Variants in ADTRP observed in about 807,000 individuals in gnomAD.
ADTRP encodes androgen-dependent TFPI-regulating protein.
ADTRP carries 20 observed loss-of-function variants against 27.0 expected under a neutral mutation model. The ratio of observed to expected loss-of-function variants is 0.74; its 90% confidence interval spans 0.52 to 1.08. The LOEUF (loss-of-function observed/expected upper bound fraction) is 1.08, where lower values mean the gene tolerates loss of function less well. ADTRP is among the 50% of genes least tolerant of loss of function. The pLI, the probability that ADTRP is intolerant of heterozygous loss-of-function variation, is 0.00. For missense variants in ADTRP, 251 were observed against 275.0 expected (o/e 0.91, Z 0.62); for synonymous variants, 101 against 105.2 (o/e 0.96, Z 0.25).
At chr6:11,750,888 A>G (rs528344312) in intron 3 of ADTRP, among the ~76,000 whole-genome samples, 323 of 152,264 alleles carry the variant, frequency 2.1e-3, no homozygotes, top group Non-Finnish European at 3.7e-3. Flanking sequence ...ACCTTGCTGA[A>G]TCGCCCAGGC....
At chr6:11,760,520 G>A (rs1335187863) in intron 3 of ADTRP, among the ~76,000 whole-genome samples, 3 of 152,092 alleles carry the variant, frequency 2.0e-5, no homozygotes, top group Non-Finnish European at 4.4e-5. Flanking sequence ...AAACACTGAA[G>A]GCTGGAGTAT....
At chr6:11,729,274 GTGTT>G (rs1434869808) in intron 4 of ADTRP, among the ~76,000 whole-genome samples, 1 of 152,110 alleles carries the variant, frequency 6.6e-6, no homozygotes, top group Admixed American at 6.5e-5. Context: ...CAAGGCTAGA[GTGTT>G]AGTCAAATAG....
intron 1 of ADTRP, among the ~76,000 whole-genome samples, chr6:11,776,908 T>C (rs1030009568): frequency 7.9e-5 from 12 of 152,100 alleles, no homozygotes; most frequent in African/African-American, 2.9e-4. Context: ...GGTCATGGTA[T>C]TAAAAAACAA....
intron 4 of ADTRP, among the ~76,000 whole-genome samples, chr6:11,726,357 C>T (rs62395243): frequency 0.075 from 11,445 of 152,014 alleles, 521 homozygotes; most frequent in Non-Finnish European, 0.1. Flanking sequence ...GGGAGGTGTT[C>T]GGGTCATGGG....
chr6:11,759,990 C>A (rs1312801309), intron 3 of ADTRP, among the ~76,000 whole-genome samples: 3 of 152,174 alleles, frequency 2.0e-5, no homozygotes, highest in African/African-American at 7.2e-5. Flanking sequence ...AGAGTCTCCT[C>A]CACAGACTCC....
intron 1 of ADTRP, chr6:11,770,110 T>G (rs775110997): frequency 7.1e-6 from 11 of 1,547,902 alleles, no homozygotes; most frequent in Admixed American, 5.9e-5. Context: ...ATAAAAAAAA[T>G]TATCAGGTTT....
At chr6:11,773,428 G>A (rs1763850530) in intron 1 of ADTRP, among the ~76,000 whole-genome samples, 1 of 152,220 alleles carries the variant, frequency 6.6e-6, no homozygotes, top group African/African-American at 2.4e-5. Flanking sequence ...GTGCTGGGCA[G>A]TTGCATGGAA....
At chr6:11,732,059 G>A (rs1762407862) in intron 4 of ADTRP, among the ~76,000 whole-genome samples, 1 of 152,158 alleles carries the variant, frequency 6.6e-6, no homozygotes, top group Admixed American at 6.5e-5. Flanking sequence ...ATATTTAAAG[G>A]TGACTAATGC....
At chr6:11,735,447 C>A in intron 4 of ADTRP, 121 bp downstream of exon 4, 2 of 702,944 alleles carry the variant, frequency 2.8e-6, no homozygotes, top group Admixed American at 3.0e-5. Flanking sequence ...GAAATGTAAA[C>A]ATGATTAAAT....
chr6:11,743,289 T>C (rs1173453002), intron 3 of ADTRP, among the ~76,000 whole-genome samples: 1 of 152,260 alleles, frequency 6.6e-6, no homozygotes, highest in Non-Finnish European at 1.5e-5. Context: ...AGCCTCTCCT[T>C]AACACACATT....
intron 5 of ADTRP, among the ~76,000 whole-genome samples, chr6:11,715,648 CTTTTTTTTTTTT>C (rs55815652): frequency 9.9e-5 from 12 of 121,142 alleles, no homozygotes; most frequent in African/African-American, 4.1e-4. Context: ...CTGTTTTTCC[CTTTTTTTTTTTT>C]TTTTTTTTTT....
chr6:11,744,331 A>T lies in ADTRP; in HGVS notation c.391-8648T>A, dbSNP rs767595123. Among the ~76,000 whole-genome samples, 110 of 152,200 alleles carry T rather than the reference A, an allele frequency of 7.2e-4. 1 individual carries two copies. Among genetic ancestry groups the T allele is most frequent in the Non-Finnish European group, 1.3e-3 (87 of 68,038 alleles). The stretch of plus-strand genomic sequence containing the variant: ...AATAAACCTCTTTTCTTTGTAAATT[A>T]TCCAGTCTCAAGTATTTCTTTACAG... On this transcript the variant is annotated intron_variant, in intron 3 of 5. Coordinates refer to ENST00000414691, the MANE Select transcript of ADTRP (RefSeq NM_032744.4).
At chr6:11,755,439 G>A (rs541019900) in intron 3 of ADTRP, among the ~76,000 whole-genome samples, 14 of 152,356 alleles carry the variant, frequency 9.2e-5, no homozygotes, top group South Asian at 4.1e-4. Context: ...GCTCTCCAGA[G>A]ATGAAGAAAG....
chr6:11,715,603 C>T (rs952198072), intron 5 of ADTRP, among the ~76,000 whole-genome samples: 6 of 151,050 alleles, frequency 4.0e-5, no homozygotes, highest in Non-Finnish European at 5.9e-5. Context: ...ATGGATTTCA[C>T]GTTGTTTTCA....
rs540562272 is a variant in ADTRP at position 11,716,565 on chromosome 6, G to A, written c.659-2053C>T. Among the ~76,000 whole-genome samples, 159 of 152,282 alleles carry A rather than the reference G, an allele frequency of 1.0e-3. 1 individual carries two copies. Among genetic ancestry groups the A allele is most frequent in the Non-Finnish European group, 1.9e-3 (126 of 68,032 alleles). On this transcript the variant is annotated intron_variant, in intron 5 of 5. Transcript: ENST00000414691. ...TTTATTCTGTAGGGACTCATGTGGC[G>A]TGAACGTTGCAAAAATCATGTTTCT... is the stretch of plus-strand genomic sequence containing the variant.
At chr6:11,724,231 G>A (rs1023825630) in intron 4 of ADTRP, among the ~76,000 whole-genome samples, 1 of 150,916 alleles carries the variant, frequency 6.6e-6, no homozygotes, top group Non-Finnish European at 1.5e-5. Flanking sequence ...GAGAAGTGGG[G>A]TTTGCTTTTT....
At chr6:11,717,202 C>A in intron 5 of ADTRP, 1 of 1,122,318 alleles carries the variant, frequency 8.9e-7, no homozygotes, top group Non-Finnish European at 1.2e-6. Flanking sequence ...AGAAAGTATC[C>A]TAGTTGGCAG....
intron 4 of ADTRP, among the ~76,000 whole-genome samples, chr6:11,735,342 G>A (rs576600161): frequency 6.6e-6 from 1 of 152,324 alleles, no homozygotes; most frequent in African/African-American, 2.4e-5. Context: ...GGGAAGTTGT[G>A]ACTTGCTGTG....
At chr6:11,763,896 T>C (rs2113324134) in intron 3 of ADTRP, among the ~76,000 whole-genome samples, 1 of 152,362 alleles carries the variant, frequency 6.6e-6, no homozygotes, top group East Asian at 1.9e-4. Flanking sequence ...TAGGGACACC[T>C]GAGGCCAATT....
Sources: gnomAD v4.1 joint callset for allele counts (sites outside exome capture counted in the v4.1 genomes callset) on GRCh38, gnomAD v4.1.1 for gene constraint, MANE v1.5 for transcripts, NCBI Gene and HGNC (gene_info 2026-07-23, HGNC 2026-07-21) for gene names.